KCNQ3: variants seen among roughly 807,000 people sequenced by gnomAD.
KCNQ3 encodes the protein potassium voltage-gated channel subfamily KQT member 3.
Under a neutral mutation model 92.5 loss-of-function variants are expected in KCNQ3, and 30 were observed. That is an observed-to-expected ratio of 0.32 (90% CI 0.24 to 0.44). The LOEUF (loss-of-function observed/expected upper bound fraction) is 0.44. Ranked by LOEUF, KCNQ3 falls within the 20% of genes least tolerant of loss-of-function variation. The probability of loss-of-function intolerance (pLI) is 1.00; values close to 1 mark genes in which losing one functional copy is unlikely to be tolerated. For missense variants in KCNQ3, 913 were observed against 1,140.3 expected, an observed-to-expected ratio of 0.80 and a Z score of 2.87; for synonymous variants, 450 against 468.8, an observed-to-expected ratio of 0.96 and a Z score of 0.52.
intron 1 of KCNQ3, among the ~76,000 whole-genome samples, chr8:132,364,690 C>CGGATGGATGGATGGATGGATGGAT (rs879016668): frequency 6.8e-6 from 1 of 147,608 alleles, no homozygotes. Context: ...GACGGACGGA[C>CGGATGGATGGATGGATGGATGGAT]GGACGGATGG....
intron 2 of KCNQ3, 34 bp from the exon 3 acceptor site, chr8:132,184,401 A>G: frequency 1.9e-6 from 3 of 1,612,684 alleles, no homozygotes; most frequent in Non-Finnish European, 1.7e-6. Context: ...GGCACTGATT[A>G]ACCGAGATCC....
intron 1 of KCNQ3, among the ~76,000 whole-genome samples, chr8:132,227,855 C>G (rs886800730): frequency 6.6e-6 from 1 of 152,152 alleles, no homozygotes; most frequent in Admixed American, 6.5e-5. Context: ...GTCTTTCACA[C>G]AGAGAATCTA....
intron 1 of KCNQ3, among the ~76,000 whole-genome samples, chr8:132,374,718 C>T (rs1348214180): frequency 6.6e-6 from 1 of 152,104 alleles, no homozygotes. Flanking sequence ...TGTTATTCCC[C>T]TCTGTGCATC....
intron 1 of KCNQ3, among the ~76,000 whole-genome samples, chr8:132,424,881 G>C (rs1055408009): frequency 2.6e-5 from 4 of 152,142 alleles, no homozygotes; most frequent in Non-Finnish European, 4.4e-5. Context: ...ACTGTATTTA[G>C]AGCCCACCAG....
At chr8:132,391,841 T>G (rs1586980568) in intron 1 of KCNQ3, among the ~76,000 whole-genome samples, 1 of 152,184 alleles carries the variant, frequency 6.6e-6, no homozygotes, top group African/African-American at 2.4e-5. Flanking sequence ...CCATGGCACC[T>G]GGGCAGCCGC....
At chr8:132,271,024 G>T (rs1338234347) in intron 1 of KCNQ3, among the ~76,000 whole-genome samples, 1 of 152,168 alleles carries the variant, frequency 6.6e-6, no homozygotes, top group Middle Eastern at 3.2e-3. Context: ...GAGTGATGTG[G>T]CTCCACATTC....
At chr8:132,358,415 C>G (rs1464066714) in intron 1 of KCNQ3, among the ~76,000 whole-genome samples, 13 of 152,108 alleles carry the variant, frequency 8.5e-5, no homozygotes, top group Admixed American at 7.9e-4. Flanking sequence ...TCAACAATGC[C>G]CAGATCCATT....
intron 1 of KCNQ3, among the ~76,000 whole-genome samples, chr8:132,437,693 G>A (rs563778259): frequency 3.9e-5 from 6 of 152,164 alleles, no homozygotes; most frequent in South Asian, 4.2e-4. Context: ...CTCATGCACC[G>A]TATTTTCATA....
intron 1 of KCNQ3, among the ~76,000 whole-genome samples, chr8:132,476,021 T>G (rs1280702698): frequency 2.6e-5 from 4 of 152,188 alleles, no homozygotes; most frequent in Non-Finnish European, 5.9e-5. Flanking sequence ...CAGCCATGGC[T>G]AAAAGGGAGC....
At chr8:132,420,287 T>C (rs966596333) in intron 1 of KCNQ3, among the ~76,000 whole-genome samples, 1 of 152,100 alleles carries the variant, frequency 6.6e-6, no homozygotes, top group East Asian at 1.9e-4. Flanking sequence ...CATATGAATT[T>C]TGGAGGGATG....
chr8:132,297,728 T>C (rs1156381953), intron 1 of KCNQ3, among the ~76,000 whole-genome samples: 4 of 35,024 alleles, frequency 1.1e-4, no homozygotes, highest in African/African-American at 2.5e-4. Context: ...CCACTGTGGA[T>C]CTGAGCAGGG....
chr8:132,472,488 A>G (rs948039618), intron 1 of KCNQ3, among the ~76,000 whole-genome samples: 15 of 152,214 alleles, frequency 9.9e-5, no homozygotes, highest in African/African-American at 3.6e-4. Flanking sequence ...TCATTATGTT[A>G]AATGAAATAA....
intron 1 of KCNQ3, among the ~76,000 whole-genome samples, chr8:132,395,782 C>T (rs191491270): frequency 9.2e-5 from 14 of 152,344 alleles, no homozygotes; most frequent in Admixed American, 7.2e-4. Flanking sequence ...TTGGCTGAAG[C>T]CGAAGCTCAG....
rs531490655 is a variant in KCNQ3 at position 132,307,121 on chromosome 8, T to G, written c.387-120940A>C. On this transcript the variant is annotated intron_variant, in intron 1 of 14. Coordinates refer to ENST00000388996, the MANE Select transcript of KCNQ3 (RefSeq NM_004519.4). ...GCATATAAAGCTGAAATCAAAGAGA[T>G]GAAAACTTGGAGCCTGAGTTTGTGG... Among the ~76,000 whole-genome samples, 3 of 152,302 alleles carry G rather than the reference T, an allele frequency of 2.0e-5. No homozygotes were observed. In the South Asian group the frequency reaches 6.2e-4, roughly 32 times the overall value.
In KCNQ3 at chr8:132,134,270, T is replaced by C; in HGVS notation, c.1799+20A>G. On this transcript the variant is annotated intron_variant, in intron 13 of 14. Coordinates refer to ENST00000388996, the MANE Select transcript of KCNQ3 (RefSeq NM_004519.4). ...AAACTTTGCACCCCTGGCCCATCAG[T>C]CCATGTCCACTGGCCCCACCTGGGA... 1.3e-6 allele frequency: 2 copies of C among 1,591,090 alleles called. No individual in the cohort carries two copies. Among genetic ancestry groups the C allele is most frequent in the East Asian group, 4.5e-5 (2 of 44,756 alleles).
chr8:132,333,435 A>C (rs1818284040), intron 1 of KCNQ3, among the ~76,000 whole-genome samples: 1 of 152,238 alleles, frequency 6.6e-6, no homozygotes, highest in Non-Finnish European at 1.5e-5. Context: ...AAAGGGTCTT[A>C]GGAAAGCTGG....
intron 1 of KCNQ3, among the ~76,000 whole-genome samples, chr8:132,395,788 C>T (rs539483944): frequency 1.3e-5 from 2 of 152,352 alleles, no homozygotes; most frequent in Non-Finnish European, 1.5e-5. Flanking sequence ...GAAGCCGAAG[C>T]TCAGTGAGCT....
intron 1 of KCNQ3, among the ~76,000 whole-genome samples, chr8:132,341,361 C>T (rs746247527): frequency 2.6e-5 from 4 of 152,112 alleles, no homozygotes; most frequent in Non-Finnish European, 5.9e-5. Context: ...ACGTTTTCTC[C>T]GTCTCAAGAG....
rs1030908636 is a variant in KCNQ3 at position 132,189,941 on chromosome 8, C to T, written c.387-3760G>A. Among the ~76,000 whole-genome samples, 37 of 145,468 alleles carry T rather than the reference C, an allele frequency of 2.5e-4. 1 individual carries two copies. Among genetic ancestry groups the T allele is most frequent in the African/African-American group, 2.6e-5 (1 of 38,728 alleles). ...AGAGAGAGAAGAGGATATGGTCTAG[C>T]CATATGCTGAAGGATTTTTAAGAAC... On this transcript the variant is annotated intron_variant, in intron 1 of 14. Transcript: ENST00000388996.
Sources: gnomAD v4.1 joint callset for allele counts (sites outside exome capture counted in the v4.1 genomes callset) on GRCh38, gnomAD v4.1.1 for gene constraint, MANE v1.5 for transcripts, NCBI Gene and HGNC (gene_info 2026-07-23, HGNC 2026-07-21) for gene names.